Variants in DNAH8 observed in about 807,000 individuals in gnomAD.
DNAH8 encodes dynein axonemal heavy chain 8, also known as axonemal beta dynein heavy chain 8.
A neutral mutation model predicts 562.1 loss-of-function variants in DNAH8; 382 were observed. The observed-to-expected ratio is 0.68, with a 90% confidence interval of 0.63 to 0.74. The LOEUF (loss-of-function observed/expected upper bound fraction) is 0.74, where lower values mean the gene tolerates loss of function less well. Ranked by LOEUF, DNAH8 falls within the 30% of genes least tolerant of loss-of-function variation. The probability of loss-of-function intolerance (pLI) is 0.00; values close to 1 mark genes in which losing one functional copy is unlikely to be tolerated. For missense variants in DNAH8, 5,203 were observed against 5,620.4 expected (o/e 0.93, Z 2.37); for synonymous variants, 1,881 against 1,919.4 (o/e 0.98, Z 0.52).
intron 1 of DNAH8, among the ~76,000 whole-genome samples, chr6:38,718,279 TA>T (rs1477156088): frequency 4.6e-5 from 7 of 152,086 alleles, no homozygotes; most frequent in African/African-American, 1.7e-4. Context: ...TATATCTATC[TA>T]TATATAGTTG....
At chr6:39,029,978 C>A in intron 92 of DNAH8, 127 bp from the exon 93 acceptor site, 1 of 727,072 alleles carries the variant, frequency 1.4e-6, no homozygotes, top group Non-Finnish European at 2.3e-6. Flanking sequence ...CCCGGTGGTG[C>A]TTTCTCCCTT....
chr6:38,757,135 C>T (rs1207812847), intron 10 of DNAH8, among the ~76,000 whole-genome samples: 7 of 151,946 alleles, frequency 4.6e-5, no homozygotes, highest in African/African-American at 1.7e-4. Context: ...ACAGTCCCAC[C>T]AACAGTGTAA....
At chr6:38,787,478 C>T (rs913276072) in intron 18 of DNAH8, among the ~76,000 whole-genome samples, 1 of 151,916 alleles carries the variant, frequency 6.6e-6, no homozygotes, top group Non-Finnish European at 1.5e-5. Context: ...GTAATCCCAG[C>T]ACTTTGGGAG....
rs1405518116 is a variant in DNAH8, at chr6:38,896,198, G to A, written c.8913G>A (p.Val2971=). Residue 2971 remains valine, a synonymous_variant, in exon 60 of 93, where the codon GTG becomes GTA. Transcript: ENST00000327475. ...CTGGTGATGAACCTGAAGACTCTGT[G>A]TTTGAAGTACCCAAAATATATGAAT... ...EPTGDEPEDS[V]FEVPKIYELM... is the part of the protein sequence containing the mutation. The A allele has an allele frequency of 1.2e-6, 2 of 1,613,784 alleles. No individual in the cohort carries two copies. The highest frequency in any genetic ancestry group is 2.2e-5 in the South Asian group (2 of 90,990).
chr6:38,978,375 A>G (rs1763810477), intron 85 of DNAH8, among the ~76,000 whole-genome samples: 2 of 152,180 alleles, frequency 1.3e-5, no homozygotes, highest in South Asian at 4.1e-4. Context: ...TTCTTTCTCA[A>G]GTTTGAGCCT....
intron 78 of DNAH8, 22 bp downstream of exon 78, chr6:38,938,248 C>T: frequency 2.5e-6 from 4 of 1,584,804 alleles, no homozygotes; most frequent in Non-Finnish European, 3.4e-6. Flanking sequence ...CTACCTTCAT[C>T]CAAAAGTGGT....
rs72858210 is a variant in DNAH8, at chr6:38,730,271, G to A, written c.610+285G>A. Among the ~76,000 whole-genome samples, 19,772 of 152,126 alleles carry A rather than the reference G, an allele frequency of 0.13. 1,483 individuals carry two copies. The highest frequency in any genetic ancestry group is 0.23 in the Admixed American group (3,501 of 15,264). On this transcript the variant is annotated intron_variant, in intron 4 of 92. Transcript: ENST00000327475. The stretch of plus-strand genomic sequence containing the variant: ...TTTAATTGCATTTTCCCCGAAACAG[G>A]TGGAGCCATTTTGTCCAGATGATTA...
chr6:38,733,660 C>T (rs1192057285), intron 4 of DNAH8, among the ~76,000 whole-genome samples: 1 of 152,274 alleles, frequency 6.6e-6, no homozygotes, highest in Non-Finnish European at 1.5e-5. Flanking sequence ...CCTGTAATCC[C>T]AGCACTTTGA....
chr6:38,828,331 T>C (rs1331494298), intron 30 of DNAH8, 43 bp downstream of exon 30: 1 of 1,218,688 alleles, frequency 8.2e-7, no homozygotes, highest in Admixed American at 2.4e-5. Flanking sequence ...TAAGTCACTA[T>C]CTCCAGAAAA....
intron 33 of DNAH8, 110 bp from the exon 34 acceptor site, chr6:38,842,258 A>G (rs1325343587): frequency 9.4e-6 from 8 of 847,296 alleles, no homozygotes; most frequent in African/African-American, 1.7e-5. Context: ...TCTATAAGAC[A>G]TTGTACACGC....
Position 39,030,291 on chromosome 6 carries a change from C to A in DNAH8, c.14023C>A (p.Arg4675=), listed in dbSNP as rs369355205. Residue 4675 remains arginine (R), a synonymous_variant, in exon 93 of 93, where the codon CGA becomes AGA. Transcript: ENST00000327475. ...GTGTCCTATTTACAAGAAACCCAGG[C>A]GAACTGATTTGACCTTCATCACTGT... The part of the protein sequence containing the change: ...YVCPIYKKPR[R]TDLTFITVVY... The A allele has an allele frequency of 1.2e-6, 2 of 1,613,960 alleles. No homozygotes were observed. Among genetic ancestry groups the A allele is most frequent in the Middle Eastern group, 1.6e-4 (1 of 6,084 alleles).
chr6:38,754,931 T>C (rs867110443), intron 9 of DNAH8, among the ~76,000 whole-genome samples: 3 of 152,104 alleles, frequency 2.0e-5, no homozygotes, highest in African/African-American at 7.2e-5. Context: ...TGAGGGTGTT[T>C]TTTTTGTTTT....
chr6:38,834,795 C>T (rs1393770983), intron 32 of DNAH8, among the ~76,000 whole-genome samples, 154 bp downstream of exon 32: 1 of 152,108 alleles, frequency 6.6e-6, no homozygotes, highest in African/African-American at 2.4e-5. Flanking sequence ...GCAATTGACT[C>T]CTCTGTCTCC....
intron 8 of DNAH8, among the ~76,000 whole-genome samples, 186 bp downstream of exon 8, chr6:38,742,073 C>T (rs1764560317): frequency 2.6e-5 from 4 of 152,078 alleles, no homozygotes; most frequent in Admixed American, 2.6e-4. Flanking sequence ...CTCAGGATTT[C>T]GCAGACCAAT....
intron 12 of DNAH8, among the ~76,000 whole-genome samples, chr6:38,774,932 C>T (rs1738264): frequency 0.22 from 33,771 of 152,008 alleles, 4,194 homozygotes; most frequent in East Asian, 0.46. Context: ...GTAAGAGCAA[C>T]AGTTGCTTTG....
At chr6:38,796,854 G>A (rs1157515305) in intron 21 of DNAH8, among the ~76,000 whole-genome samples, 5 of 152,108 alleles carry the variant, frequency 3.3e-5, no homozygotes, top group African/African-American at 9.7e-5. Flanking sequence ...TCCACAACTC[G>A]GTGTCTGAGG....
At chr6:38,846,473 C>T (rs76324297) in intron 36 of DNAH8, among the ~76,000 whole-genome samples, 3,785 of 152,292 alleles carry the variant, frequency 0.025, 79 homozygotes, top group Middle Eastern at 0.037. Context: ...TAAGAAATAG[C>T]TAATATCCCT....
chr6:38,856,275 T>C (rs970759284), intron 41 of DNAH8, among the ~76,000 whole-genome samples: 2 of 152,218 alleles, frequency 1.3e-5, no homozygotes, highest in African/African-American at 4.8e-5. Flanking sequence ...ATGAGCATTC[T>C]TGTTTTGCTG....
At position 38,805,544 on chromosome 6, in the gene DNAH8, C is replaced by G; in HGVS notation, c.3098C>G (p.Ala1033Gly). The G allele has an allele frequency of 1.2e-6, 2 of 1,609,312 alleles. No individual in the cohort carries two copies. The highest frequency in any genetic ancestry group is 1.1e-5 in the South Asian group (1 of 90,952). ...GAGGGTGAAAACAATGACTATGAAGCTAATATTGTGAATGAGTTTGATACT... is the reference window on the plus strand; with the variant it reads ...GAGGGTGAAAACAATGACTATGAAGGTAATATTGTGAATGAGTTTGATACT... The part of the protein sequence containing the change: ...TGEGENNDYE[A>G]NIVNEFDTHD... The change falls in exon 23 of 93, where the codon GCT becomes GGT. Residue 1033 changes from alanine to glycine, a missense_variant. Transcript: ENST00000327475.
Sources: gnomAD v4.1 joint callset for allele counts (sites outside exome capture counted in the v4.1 genomes callset) on GRCh38, gnomAD v4.1.1 for gene constraint, MANE v1.5 for transcripts, NCBI Gene and HGNC (gene_info 2026-07-23, HGNC 2026-07-21) for gene names.